CCDC66: variants seen among roughly 807,000 people sequenced by gnomAD.
The protein encoded by CCDC66 is coiled-coil domain containing 66, also known as coiled-coil domain-containing protein 66.
A neutral mutation model predicts 128.3 loss-of-function variants in CCDC66; 133 were observed. The ratio of observed to expected loss-of-function variants is 1.04; its 90% CI spans 0.90 to 1.20. The LOEUF is 1.20. Among genes scored for constraint, CCDC66 ranks in the 50% most tolerant of loss-of-function variants. CCDC66 has a pLI of 0.00. For missense variants in CCDC66, 1,126 were observed against 1,075.5 expected (o/e 1.05, Z -0.66); for synonymous variants, 387 against 357.0 (o/e 1.08, Z -0.95).
chr3:56,585,075 G>A (rs2069393872), intron 7 of CCDC66, among the ~76,000 whole-genome samples: 1 of 146,304 alleles, frequency 6.8e-6, no homozygotes, highest in Non-Finnish European at 1.5e-5. Flanking sequence ...ATCAGAGGGA[G>A]ACAGTGGAAA....
chr3:56,580,273 T>A (rs1342174863), intron 7 of CCDC66, among the ~76,000 whole-genome samples: 2 of 151,828 alleles, frequency 1.3e-5, no homozygotes, highest in South Asian at 2.1e-4. Flanking sequence ...TAGATCTTCC[T>A]CCATCCCTTT....
intron 3 of CCDC66, among the ~76,000 whole-genome samples, chr3:56,562,336 C>T (rs2065214190): frequency 6.6e-6 from 1 of 152,110 alleles, no homozygotes; most frequent in Non-Finnish European, 1.5e-5. Flanking sequence ...AGGTGTGAGC[C>T]ACTGTGCCCA....
chr3:56,573,801 G>A (rs1186031934), intron 7 of CCDC66, among the ~76,000 whole-genome samples: 1 of 149,822 alleles, frequency 6.7e-6, no homozygotes, highest in Admixed American at 6.9e-5. Context: ...TCATGGCCAA[G>A]AACTCAGTTT....
At chr3:56,557,380 AG>A in intron 1 of CCDC66, 127 bp downstream of exon 1, 1 of 1,276,582 alleles carries the variant, frequency 7.8e-7, no homozygotes, top group Non-Finnish European at 1.1e-6. Flanking sequence ...CGCCGCCGAG[AG>A]GGGCAGAGCC....
At chr3:56,585,187 C>T (rs934350390) in intron 7 of CCDC66, among the ~76,000 whole-genome samples, 2 of 151,640 alleles carry the variant, frequency 1.3e-5, no homozygotes, top group Non-Finnish European at 2.9e-5. Context: ...AAAATATTCA[C>T]TCAGTTTTTA....
intron 10 of CCDC66, among the ~76,000 whole-genome samples, chr3:56,611,199 G>A (rs2107300545): frequency 6.6e-6 from 1 of 152,206 alleles, no homozygotes; most frequent in African/African-American, 2.4e-5. Context: ...TGGGGGCGGG[G>A]CTAGGTGTGT....
intron 1 of CCDC66, chr3:56,557,621 C>T: frequency 3.8e-6 from 1 of 263,188 alleles, no homozygotes; most frequent in Non-Finnish European, 7.3e-6. Flanking sequence ...GCCCCGGGTT[C>T]TTCGCCACCT....
rs534836207 is a variant in CCDC66, at chr3:56,569,377, T to G, written c.815-1804T>G. ...GCTTCTGGTGAGGCCTCAGGAAGCT[T>G]TTACTCACGGTGGAAGGCAAAGGGG... On this transcript the variant is annotated intron_variant, in intron 6 of 17. Coordinates refer to ENST00000394672, the MANE Select transcript of CCDC66 (RefSeq NM_001141947.3). 1,874 of 325,702 alleles carry G rather than the reference T, an allele frequency of 5.8e-3. 80 individuals carry two copies. The highest frequency in any genetic ancestry group is 0.047 in the South Asian group (1,810 of 38,462). The allele number at this position is 325,702 out of a possible 1,614,324, so 20.2% of individuals were successfully genotyped here. A position where few individuals can be genotyped will look rare whatever the true frequency, so the allele number is the denominator to read the frequency against.
At position 56,621,559 on chromosome 3, in the gene CCDC66, G is replaced by A. The variant is rs1194975130; in HGVS notation, c.2788G>A (p.Glu930Lys). ...CCTTCTCCAGAAGCAAAAGGAGTTG[G>A]AAAGTAGTCTCCTGCCTTTAGCTGA... ...QGLLQKQKEL[E>K]SSLLPLAENQ... is the part of the protein sequence containing the mutation. Residue 930 changes from glutamate (E) to lysine (K), a missense_variant, in exon 18 of 18, where the codon GAA (glutamate) becomes AAA (lysine). Coordinates refer to ENST00000394672, the MANE Select transcript of CCDC66 (RefSeq NM_001141947.3). The A allele has an allele frequency of 1.3e-6, 2 of 1,599,312 alleles. No homozygotes were observed. Among genetic ancestry groups the A allele is most frequent in the African/African-American group, 1.3e-5 (1 of 74,468 alleles).
chr3:56,577,656 C>T (rs1285398477), intron 7 of CCDC66, among the ~76,000 whole-genome samples: 1 of 151,878 alleles, frequency 6.6e-6, no homozygotes, highest in Admixed American at 6.6e-5. Flanking sequence ...GTTTTCCCAA[C>T]ACCATTTATG....
At position 56,571,295 on chromosome 3, in the gene CCDC66, A is replaced by G. The variant is rs1275105385; in HGVS notation, c.929A>G (p.Gln310Arg). 2.7e-5 allele frequency: 41 copies of G among 1,512,488 alleles called. No homozygotes were observed. Among genetic ancestry groups the G allele is most frequent in the Non-Finnish European group, 3.5e-5 (39 of 1,107,222 alleles). The allele number at this position is 1,512,488 out of a possible 1,614,324, so 93.7% of individuals were successfully genotyped here. Reference protein sequence around the residue: ...IIWEKHQILDQSRETVLLEHP... With the variant: ...IIWEKHQILDRSRETVLLEHP... Reference sequence around the variant, plus strand: ...TGGGAAAAACATCAAATTCTTGACCAATCTAGGGTAAGACATCTTAATTGC... The same window carrying G: ...TGGGAAAAACATCAAATTCTTGACCGATCTAGGGTAAGACATCTTAATTGC... Residue 310 changes from glutamine to arginine, a missense_variant, in exon 7 of 18, where the codon CAA becomes CGA. By Grantham distance (43) the Gln-to-Arg change is conservative (BLOSUM62 1). Transcript: ENST00000394672.
intron 10 of CCDC66, among the ~76,000 whole-genome samples, chr3:56,602,466 G>C (rs2073346146): frequency 2.0e-5 from 3 of 151,940 alleles, no homozygotes; most frequent in Admixed American, 2.0e-4. Flanking sequence ...GCCAGGTTTT[G>C]GTATCAGGAT....
At position 56,613,603 on chromosome 3, in the gene CCDC66, C is replaced by A. The variant is rs749311161; in HGVS notation, c.1419C>A (p.Ala473=). 2.4e-5 allele frequency: 38 copies of A among 1,612,114 alleles called. No homozygotes were observed. In the South Asian group the frequency reaches 4.2e-4, roughly 18 times the overall value. Residue 473 remains alanine (A), a synonymous_variant, in exon 11 of 18, where the codon GCC becomes GCA. Transcript: ENST00000394672. ...KQLEHQKAIT[A]QVEEKRRKKQ... ...CTTATGACTAGAAAGCCATCACTGC[C>A]CAGGTAGAAGAGAAGCGCAGGAAGA...
At position 56,593,986 on chromosome 3, in the gene CCDC66, T is replaced by G; in HGVS notation, c.1362T>G (p.Ile454Met). The G allele has an allele frequency of 1.9e-6, 3 of 1,614,208 alleles. No individual in the cohort carries two copies. Among genetic ancestry groups the G allele is most frequent in the African/African-American group, 1.3e-5 (1 of 75,048 alleles). ...CTGCTCTCTTGGACCCAGCTCAGATTGAGGAACGAGACAGACGACGACAAA... is the reference window on the plus strand; with the variant it reads ...CTGCTCTCTTGGACCCAGCTCAGATGGAGGAACGAGACAGACGACGACAAA... ...SMTALLDPAQIEERDRRRQKQ... is the reference protein window; with the variant it reads ...SMTALLDPAQMEERDRRRQKQ... Residue 454 changes from isoleucine (I) to methionine (M), a missense_variant, in exon 10 of 18, where the codon ATT becomes ATG. Physicochemically the swap from Ile to Met is conservative, Grantham distance 10. Coordinates refer to ENST00000394672, the MANE Select transcript of CCDC66 (RefSeq NM_001141947.3).
At chr3:56,614,095 A>G (rs942127784) in intron 11 of CCDC66, among the ~76,000 whole-genome samples, 13 of 152,192 alleles carry the variant, frequency 8.5e-5, no homozygotes, top group African/African-American at 2.9e-4. Flanking sequence ...TATGTTTTTA[A>G]AGGAAAAATA....
At chr3:56,593,870 C>G in intron 9 of CCDC66, 74 bp from the exon 10 acceptor site, 1 of 1,586,088 alleles carries the variant, frequency 6.3e-7, no homozygotes, top group Non-Finnish European at 8.6e-7. Flanking sequence ...TAGATTTATC[C>G]CAAACAAAAA....
At chr3:56,565,366 C>T (rs1033700579) in intron 4 of CCDC66, among the ~76,000 whole-genome samples, 7 of 151,376 alleles carry the variant, frequency 4.6e-5, no homozygotes, top group Non-Finnish European at 7.4e-5. Flanking sequence ...CTCTGCCTCC[C>T]GGGTTCACAC....
chr3:56,569,457 C>G (rs1577318826), intron 6 of CCDC66: 1 of 184,994 alleles, frequency 5.4e-6, no homozygotes, highest in East Asian at 1.4e-4. Context: ...ACAACCAGCT[C>G]TCATGTGAAC....
In CCDC66 at chr3:56,615,278, G is replaced by T; in HGVS notation, c.1711+6G>T. The T allele has an allele frequency of 6.3e-7, 1 of 1,593,990 alleles. No individual in the cohort carries two copies. The highest frequency in any genetic ancestry group is 8.5e-7 in the Non-Finnish European group (1 of 1,172,414). On this transcript the variant is annotated splice_donor_region_variant and intron_variant, in intron 12 of 17. Coordinates refer to ENST00000394672, the MANE Select transcript of CCDC66 (RefSeq NM_001141947.3). ...ACTGATTAAAAATCTTGGTGGTAAG[G>T]GCCTAACCAGAACTTTATTTATAAT...
Sources: allele counts gnomAD v4.1 joint callset (sites outside exome capture counted in the v4.1 genomes callset), GRCh38; gene constraint gnomAD v4.1.1; transcripts MANE v1.5; gene names NCBI Gene and HGNC (gene_info 2026-07-23, HGNC 2026-07-21).